TRAF5: variants seen among roughly 807,000 people sequenced by gnomAD.
TRAF5 encodes the protein TNF receptor-associated factor 5.
Under a neutral mutation model 64.5 loss-of-function variants are expected in TRAF5, and 48 were observed. That is an observed-to-expected ratio of 0.74 (90% confidence interval 0.59 to 0.95). The LOEUF is 0.95. Among genes scored for constraint, TRAF5 ranks in the 40% least tolerant of loss-of-function variants. The probability of loss-of-function intolerance (pLI) is 0.00; values close to 1 mark genes in which losing one functional copy is unlikely to be tolerated. For synonymous variants in TRAF5, 206 were observed against 240.5 expected, an observed-to-expected ratio of 0.86 and a Z score of 1.33; for missense variants, 545 against 662.8, an observed-to-expected ratio of 0.82 and a Z score of 1.95.
At chr1:211,348,729 GATT>G (rs567447320) in intron 1 of TRAF5, among the ~76,000 whole-genome samples, 103 of 152,234 alleles carry the variant, frequency 6.8e-4, no homozygotes, top group African/African-American at 2.5e-3. Flanking sequence ...TTGTTGAAAA[GATT>G]ATCTTTGCAT....
chr1:211,333,015 G>T (rs1448175155), intron 1 of TRAF5, among the ~76,000 whole-genome samples: 1 of 152,030 alleles, frequency 6.6e-6, no homozygotes, highest in Non-Finnish European at 1.5e-5. Context: ...GTTCCCATAG[G>T]GCCTATGTAT....
intron 1 of TRAF5, among the ~76,000 whole-genome samples, chr1:211,338,230 A>G (rs1702356910): frequency 6.6e-6 from 1 of 152,200 alleles, no homozygotes; most frequent in Non-Finnish European, 1.5e-5. Context: ...AGGGAAGGCT[A>G]AACTATTATA....
intron 3 of TRAF5, 97 bp from the exon 4 acceptor site, chr1:211,356,270 C>T: frequency 2.2e-6 from 2 of 896,808 alleles, no homozygotes; most frequent in South Asian, 3.2e-5. Flanking sequence ...TTTCCACCTG[C>T]CTTCTGAGAT....
chr1:211,360,337 GGA>G, intron 5 of TRAF5: 2 of 507,680 alleles, frequency 3.9e-6, no homozygotes. Flanking sequence ...TGAGTCACAA[GGA>G]GGTGACAATA....
At chr1:211,356,702 T>A (rs4951523) in intron 4 of TRAF5, 8 of 421,870 alleles carry the variant, frequency 1.9e-5, no homozygotes, top group Non-Finnish European at 3.5e-5. Flanking sequence ...TTGTATCCAC[T>A]AGACCTTAAT....
rs199814704 is a variant in TRAF5 at position 211,353,334 on chromosome 1, A to C, written c.95A>C (p.Glu32Ala). 3 of 1,614,192 alleles carry C rather than the reference A, an allele frequency of 1.9e-6. No homozygotes were observed. The change falls in exon 2 of 11, where the codon GAG (glutamate) becomes GCG (alanine). Residue 32 changes from glutamate to alanine, a missense_variant. By Grantham distance (107) the Glu-to-Ala change is moderately radical. Coordinates refer to ENST00000261464, the MANE Select transcript of TRAF5 (RefSeq NM_001033910.3). ...TCCTTGGACTTTGAGCCCAGTATAG[A>C]GTACCAGTTTGTGGAGCGGTTGGAA... ...SISLDFEPSI[E>A]YQFVERLEER...
At position 211,372,207 on chromosome 1, in the gene TRAF5, A is replaced by T; in HGVS notation, c.1179A>T (p.Arg393=). 6.2e-7 allele frequency: 1 copy of T among 1,613,916 alleles called. No individual in the cohort carries two copies. Among genetic ancestry groups the T allele is most frequent in the Non-Finnish European group, 8.5e-7 (1 of 1,180,000 alleles). The change falls in exon 11 of 11, where the codon CGA becomes CGT. Residue 393 remains arginine (R), a synonymous_variant. Coordinates refer to ENST00000261464, the MANE Select transcript of TRAF5 (RefSeq NM_001033910.3). ...HKAQLSKNEE[R]FKLLEGTCYN... ...CACAGCTGAGTAAAAATGAAGAGCGATTTAAACTGCTGGAGGGTACTTGCT... is the reference window on the plus strand; with the variant it reads ...CACAGCTGAGTAAAAATGAAGAGCGTTTTAAACTGCTGGAGGGTACTTGCT...
At chr1:211,353,130 T>C (rs1702846303) in intron 1 of TRAF5, 109 bp from the exon 2 acceptor site, 1 of 1,080,156 alleles carries the variant, frequency 9.3e-7, no homozygotes, top group Admixed American at 1.8e-5. Context: ...AGAATGACCA[T>C]GTGAATGATG....
chr1:211,328,648 A>G (rs768010511), intron 1 of TRAF5, among the ~76,000 whole-genome samples: 2 of 152,216 alleles, frequency 1.3e-5, no homozygotes, highest in Non-Finnish European at 2.9e-5. Flanking sequence ...GGGGAGCTAG[A>G]TGCCTCAGAG....
At chr1:211,366,344 A>G (rs1401160612) in intron 8 of TRAF5, among the ~76,000 whole-genome samples, 1 of 152,188 alleles carries the variant, frequency 6.6e-6, no homozygotes, top group Non-Finnish European at 1.5e-5. Context: ...ACCGTTCCCA[A>G]GTTTTTTCTG....
intron 4 of TRAF5, chr1:211,357,523 T>G (rs1478293059): frequency 1.3e-5 from 2 of 152,220 alleles, no homozygotes; most frequent in African/African-American, 4.8e-5. Flanking sequence ...CAAAACTGGC[T>G]TATGGAGAGC....
intron 7 of TRAF5, among the ~76,000 whole-genome samples, chr1:211,361,975 C>A (rs529299017): frequency 6.6e-6 from 1 of 151,872 alleles, no homozygotes; most frequent in African/African-American, 2.4e-5. Context: ...GGGATTACAG[C>A]ACCGTGCCTG....
Position 211,374,427 on chromosome 1 carries a change from G to A in TRAF5, c.*1725G>A, listed in dbSNP as rs1455874786. ...CTATAGAAGCATGCTTTATATGAGT[G>A]TCTTCTGGGAAGAGGAACCTTCTTA... On this transcript the variant is annotated 3_prime_UTR_variant, in exon 11 of 11. Transcript: ENST00000261464. 6.6e-6 allele frequency: 1 copy of A among 152,252 alleles called. No homozygotes were observed. Among genetic ancestry groups the A allele is most frequent in the African/African-American group, 2.4e-5 (1 of 41,448 alleles). The allele number at this position is 152,252 out of a possible 1,614,324, so 9.4% of individuals were successfully genotyped here.
In TRAF5 at chr1:211,365,512, G is replaced by T. The variant is rs1162729563; in HGVS notation, c.789+44G>T. ...AAATAAAAAGTGAGGCAACAGAATTGCTGGGATTTACCTGCTCTATGCTGG... is the reference window on the plus strand; with the variant it reads ...AAATAAAAAGTGAGGCAACAGAATTTCTGGGATTTACCTGCTCTATGCTGG... On this transcript the variant is annotated intron_variant, in intron 8 of 10. Transcript: ENST00000261464. The T allele has an allele frequency of 8.0e-6, 12 of 1,508,192 alleles. No homozygotes were observed. In the East Asian group the frequency reaches 9.4e-5, roughly 12 times the overall value. The allele number at this position is 1,508,192 out of a possible 1,614,324, so 93.4% of individuals were successfully genotyped here. A position where few individuals can be genotyped will look rare whatever the true frequency, so the allele number is the denominator to read the frequency against.
chr1:211,331,146 A>G (rs1384213272), intron 1 of TRAF5, among the ~76,000 whole-genome samples: 1 of 152,124 alleles, frequency 6.6e-6, no homozygotes, highest in Admixed American at 6.5e-5. Context: ...TTCCCAGTTC[A>G]GGGCCACAGG....
At chr1:211,341,795 G>T (rs1702454175) in intron 1 of TRAF5, among the ~76,000 whole-genome samples, 1 of 152,222 alleles carries the variant, frequency 6.6e-6, no homozygotes, top group African/African-American at 2.4e-5. Context: ...CCTATGGTAG[G>T]TTCCCAGCAA....
In TRAF5 at chr1:211,373,776, A is replaced by G. The variant is rs1703611617; in HGVS notation, c.*1074A>G. 1 of 152,210 alleles carries G rather than the reference A, an allele frequency of 6.6e-6. No individual in the cohort carries two copies. The highest frequency in any genetic ancestry group is 2.1e-4 in the South Asian group (1 of 4,826). 9.4% of individuals were successfully genotyped at this position (152,210 alleles called of 1,614,324 possible). A position where few individuals can be genotyped will look rare whatever the true frequency, so the allele number is the denominator to read the frequency against. On this transcript the variant is annotated 3_prime_UTR_variant, in exon 11 of 11. Coordinates refer to ENST00000261464, the MANE Select transcript of TRAF5 (RefSeq NM_001033910.3). ...TTGAGACAGAGTTTCATTGTCACCC[A>G]GGCTGGAGTACAGTGGCATGATCTC...
intron 9 of TRAF5, among the ~76,000 whole-genome samples, chr1:211,371,048 G>C (rs559785990): frequency 2.6e-5 from 4 of 152,092 alleles, no homozygotes; most frequent in African/African-American, 9.7e-5. Context: ...GGGAAACAGA[G>C]GGAGGATAAA....
intron 9 of TRAF5, 143 bp from the exon 10 acceptor site, chr1:211,371,159 G>A: frequency 1.3e-6 from 1 of 784,640 alleles, no homozygotes; most frequent in South Asian, 2.1e-5. Flanking sequence ...GATCCTCATT[G>A]AATTTTATTT....
Sources: gnomAD v4.1 joint callset for allele counts (sites outside exome capture counted in the v4.1 genomes callset) on GRCh38, gnomAD v4.1.1 for gene constraint, MANE v1.5 for transcripts, NCBI Gene and HGNC (gene_info 2026-07-23, HGNC 2026-07-21) for gene names.